GSAP: variants seen among roughly 807,000 people sequenced by gnomAD.
GSAP encodes the protein gamma-secretase-activating protein.
GSAP carries 118 observed loss-of-function variants against 131.7 expected under a neutral mutation model. The ratio of observed to expected loss-of-function variants is 0.90; its 90% confidence interval spans 0.77 to 1.04. GSAP has a LOEUF of 1.04. Ranked by LOEUF, GSAP falls within the 50% of genes least tolerant of loss-of-function variation. GSAP has a pLI of 0.00. For synonymous variants in GSAP, 381 were observed against 363.4 expected, an observed-to-expected ratio of 1.05 and a Z score of -0.55; for missense variants, 1,019 against 1,013.2, an observed-to-expected ratio of 1.01 and a Z score of -0.08.
In GSAP at chr7:77,329,965, C is replaced by G. The variant is rs1584288266; in HGVS notation, c.1674+274G>C. 2.5e-5 allele frequency: 6 copies of G among 237,690 alleles called. No individual in the cohort carries two copies. In the East Asian group the frequency reaches 5.8e-4, roughly 23 times the overall value. The allele number at this position is 237,690 out of a possible 1,614,324, so 14.7% of individuals were successfully genotyped here. On this transcript the variant is annotated intron_variant, in intron 20 of 30. Coordinates refer to ENST00000257626, the MANE Select transcript of GSAP (RefSeq NM_017439.4). ...TATCAATTTTTAACTACATAAGTAA[C>G]CTGAGAACACATCTGAGACATGGAT...
At chr7:77,384,132 C>T (rs1798196505) in intron 6 of GSAP, among the ~76,000 whole-genome samples, 1 of 152,144 alleles carries the variant, frequency 6.6e-6, no homozygotes, top group African/African-American at 2.4e-5. Flanking sequence ...TGAATGACAC[C>T]ACATATAGGA....
intron 19 of GSAP, among the ~76,000 whole-genome samples, chr7:77,334,580 TA>T (rs57442782): frequency 0.026 from 2,142 of 81,920 alleles, 67 homozygotes; most frequent in African/African-American, 0.091. Context: ...ACTTAAAATT[TA>T]AAAAAAAAAA....
At chr7:77,316,828 A>G (rs1422247157) in intron 26 of GSAP, among the ~76,000 whole-genome samples, 3 of 152,154 alleles carry the variant, frequency 2.0e-5, no homozygotes, top group African/African-American at 4.8e-5. Context: ...ACCCAACTTT[A>G]ATCCTCATCT....
At chr7:77,329,631 A>AG (rs1256984809) in intron 20 of GSAP, 4 of 273,712 alleles carry the variant, frequency 1.5e-5, no homozygotes, top group Non-Finnish European at 6.8e-6. Context: ...ATCTACATGC[A>AG]GCGATACTAG....
chr7:77,416,223 G>A lies in GSAP; in HGVS notation c.99C>T (p.Ser33=). 8.2e-7 allele frequency: 1 copy of A among 1,215,888 alleles called. No individual in the cohort carries two copies. The highest frequency in any genetic ancestry group is 1.4e-5 in the South Asian group (1 of 69,432). The allele number at this position is 1,215,888 out of a possible 1,614,324, so 75.3% of individuals were successfully genotyped here. A position where few individuals can be genotyped will look rare whatever the true frequency, so the allele number is the denominator to read the frequency against. The part of the protein sequence containing the change: ...RAVSEASGAG[S]GGADVLENDY... ...GCGCGCCTCCCGCACCTGCGCCGCC[G>A]CTTCCGGCCCCGCTGGCCTCCGACA... Residue 33 remains serine (S), a synonymous_variant, in exon 1 of 31, where the codon AGC becomes AGT. Coordinates refer to ENST00000257626, the MANE Select transcript of GSAP (RefSeq NM_017439.4).
At chr7:77,356,964 A>G (rs1282405595) in intron 14 of GSAP, among the ~76,000 whole-genome samples, 1 of 152,186 alleles carries the variant, frequency 6.6e-6, no homozygotes, top group Non-Finnish European at 1.5e-5. Flanking sequence ...AATGGTTGCA[A>G]TCATCTTATT....
chr7:77,382,361 C>T (rs1159743357), intron 7 of GSAP, among the ~76,000 whole-genome samples: 2 of 152,108 alleles, frequency 1.3e-5, no homozygotes. Flanking sequence ...CCATCATTCC[C>T]AGGATGAGAA....
chr7:77,312,034 G>A, intron 29 of GSAP, 67 bp downstream of exon 29: 1 of 1,202,564 alleles, frequency 8.3e-7, no homozygotes, highest in Non-Finnish European at 1.2e-6. Flanking sequence ...TGTCCATACA[G>A]ATATGTTGTC....
intron 28 of GSAP, among the ~76,000 whole-genome samples, chr7:77,312,637 A>T (rs1321658726): frequency 6.6e-6 from 1 of 152,190 alleles, no homozygotes; most frequent in East Asian, 1.9e-4. Context: ...AATATTCAGC[A>T]ATGTTTCCCA....
At chr7:77,326,491 T>C in intron 22 of GSAP, 1 of 455,134 alleles carries the variant, frequency 2.2e-6, no homozygotes, top group Non-Finnish European at 3.9e-6. Flanking sequence ...AACCAACACA[T>C]TCCTCAACCC....
Position 77,314,393 on chromosome 7 carries a change from G to GT in GSAP, c.2185dup (p.Thr729AsnfsTer12), listed in dbSNP as rs758674305. 85 of 1,613,640 alleles carry GT rather than the reference G, an allele frequency of 5.3e-5. No homozygotes were observed. The highest frequency in any genetic ancestry group is 7.1e-5 in the Non-Finnish European group (84 of 1,179,786). ...ACCTTTCATGAGCCTTATGACAGCT[G>GT]TTTCAGTGAGAAGCAACACTCCACT... is the stretch of plus-strand genomic sequence containing the variant. On this transcript the variant is annotated frameshift_variant, in exon 27 of 31. Transcript: ENST00000257626. LOFTEE classifies it high-confidence loss of function.
Position 77,377,237 on chromosome 7 carries a change from T to TTAAAAAAAAAAAAAAA in GSAP, c.681+48_681+49insTTTTTTTTTTTTTTTA, listed in dbSNP as rs759012113. ...GTCTCTAAAAAAATTAATATTTTTG[T>TTAAAAAAAAAAAAAAA]AAAAAAAAAAAAAAAAAAAAAGGAG... On this transcript the variant is annotated intron_variant, in intron 9 of 30. Coordinates refer to ENST00000257626, the MANE Select transcript of GSAP (RefSeq NM_017439.4). 4.5e-6 allele frequency: 4 copies of TTAAAAAAAAAAAAAAA among 894,474 alleles called. No homozygotes were observed. The South Asian group carries it at 1.4e-4, about 31-fold the overall frequency. 55.4% of individuals were successfully genotyped at this position (894,474 alleles called of 1,614,324 possible).
intron 6 of GSAP, 42 bp from the exon 7 acceptor site, chr7:77,382,685 G>A (rs1435875379): frequency 1.9e-6 from 2 of 1,065,184 alleles, no homozygotes; most frequent in Admixed American, 1.7e-5. Context: ...CAACTATCTT[G>A]CTTGAACAAG....
At chr7:77,361,861 T>C (rs1298400705) in intron 13 of GSAP, among the ~76,000 whole-genome samples, 1 of 152,204 alleles carries the variant, frequency 6.6e-6, no homozygotes, top group Non-Finnish European at 1.5e-5. Context: ...GCCATAGATG[T>C]GTGAAATGGA....
chr7:77,312,142 G>A lies in GSAP; in HGVS notation c.2332C>T (p.Arg778Trp), dbSNP rs750682271. The A allele has an allele frequency of 8.7e-6, 14 of 1,604,218 alleles. No homozygotes were observed. Among genetic ancestry groups the A allele is most frequent in the East Asian group, 2.2e-5 (1 of 44,796 alleles). The change falls in exon 29 of 31, where the codon CGG (arginine) becomes TGG (tryptophan). Residue 778 changes from arginine (R) to tryptophan (W), a missense_variant. Arg to Trp is a moderately radical substitution (Grantham distance 101). Transcript: ENST00000257626. ...TGAAGCAGTCGCGTCACGTGGTTCC[G>A]CGAAATGATGTTAGAACTCATAGGA... is the stretch of plus-strand genomic sequence containing the variant. Reference protein sequence around the residue: ...DHPMSSNIISRNHVTRLLQNY... With the variant: ...DHPMSSNIISWNHVTRLLQNY...
At chr7:77,322,715 T>C (rs1018352573) in intron 24 of GSAP, among the ~76,000 whole-genome samples, 1 of 151,762 alleles carries the variant, frequency 6.6e-6, no homozygotes, top group East Asian at 1.9e-4. Context: ...TCCCTGATTA[T>C]AAATATCACT....
At position 77,329,568 on chromosome 7, in the gene GSAP, TAC is replaced by T. The variant is rs139156670; in HGVS notation, c.1675-179_1675-178del. On this transcript the variant is annotated intron_variant, in intron 20 of 30. Coordinates refer to ENST00000257626, the MANE Select transcript of GSAP (RefSeq NM_017439.4). ...AAGAAATATTTTATTCTGAAACAAT[TAC>T]AGATTCACAGGAAACTGCGAGTCAA... The T allele has an allele frequency of 6.8e-4, 266 of 391,962 alleles. 1 individual carries two copies. The highest frequency in any genetic ancestry group is 5.0e-3 in the African/African-American group (238 of 47,954). The allele number at this position is 391,962 out of a possible 1,614,324, so 24.3% of individuals were successfully genotyped here. A position where few individuals can be genotyped will look rare whatever the true frequency, so the allele number is the denominator to read the frequency against.
At chr7:77,399,785 ATTT>A (rs1324162141) in intron 3 of GSAP, among the ~76,000 whole-genome samples, 4 of 151,976 alleles carry the variant, frequency 2.6e-5, no homozygotes, top group African/African-American at 9.7e-5. Flanking sequence ...CTGGACATAT[ATTT>A]TTTAAGTTTC....
chr7:77,336,407 A>T (rs1315723280), intron 19 of GSAP, among the ~76,000 whole-genome samples: 1 of 152,200 alleles, frequency 6.6e-6, no homozygotes, highest in African/African-American at 2.4e-5. Context: ...CCTCAATTTC[A>T]TCATCTAGGA....
Sources: allele counts gnomAD v4.1 joint callset (sites outside exome capture counted in the v4.1 genomes callset), GRCh38; gene constraint gnomAD v4.1.1; transcripts MANE v1.5; gene names NCBI Gene and HGNC (gene_info 2026-07-23, HGNC 2026-07-21).